The following LRRC49 variants were observed in gnomAD, a reference collection of about 807,000 sequenced individuals.
The protein encoded by LRRC49 is leucine rich repeat containing 49, also known as leucine-rich repeat-containing protein 49.
In LRRC49, 50 loss-of-function variants were observed where a neutral mutation model predicts 83.3. The observed-to-expected ratio is 0.60, with a 90% confidence interval of 0.48 to 0.76. The LOEUF (loss-of-function observed/expected upper bound fraction) is 0.76, where lower values mean the gene tolerates loss of function less well. Ranked by LOEUF, LRRC49 falls within the 30% of genes least tolerant of loss-of-function variation. LRRC49 has a pLI of 0.00. For missense variants in LRRC49, 704 were observed against 809.1 expected, an observed-to-expected ratio of 0.87 and a Z score of 1.58; for synonymous variants, 286 against 283.3, an observed-to-expected ratio of 1.01 and a Z score of -0.10.
At chr15:70,971,617 G>A (rs1023695320) in intron 9 of LRRC49, among the ~76,000 whole-genome samples, 1 of 152,100 alleles carries the variant, frequency 6.6e-6, no homozygotes, top group African/African-American at 2.4e-5. Context: ...CTCCTTGTGG[G>A]TCTCTAAGAA....
intron 1 of LRRC49, among the ~76,000 whole-genome samples, chr15:70,861,511 T>C (rs1479507252): frequency 6.6e-6 from 1 of 150,948 alleles, no homozygotes; most frequent in Non-Finnish European, 1.5e-5. Context: ...AAGAGTAGGG[T>C]TTTCTAAAAG....
intron 8 of LRRC49, among the ~76,000 whole-genome samples, chr15:70,960,414 T>C (rs1406714063): frequency 6.6e-6 from 1 of 152,232 alleles, no homozygotes; most frequent in Non-Finnish European, 1.5e-5. Context: ...TGAGGAGTGA[T>C]ATAACAATCT....
intron 6 of LRRC49, among the ~76,000 whole-genome samples, chr15:70,917,069 T>C (rs2141130112): frequency 6.6e-6 from 1 of 152,336 alleles, no homozygotes; most frequent in East Asian, 1.9e-4. Flanking sequence ...GTGCACATGC[T>C]TGGGGCAGTG....
chr15:70,880,725 A>G lies in LRRC49; in HGVS notation c.18+7502A>G, dbSNP rs572812254. Among the ~76,000 whole-genome samples, 9 of 149,292 alleles carry G rather than the reference A, an allele frequency of 6.0e-5. No individual in the cohort carries two copies. The South Asian group carries it at 1.9e-3, about 32-fold the overall frequency. The stretch of plus-strand genomic sequence containing the variant: ...GGAAGAAGAAAACTAAGTGAAGAGT[A>G]AAAAAAAAAGTGTTGACATGGCTGT... On this transcript the variant is annotated intron_variant, in intron 2 of 16. Coordinates refer to the LRRC49 transcript ENST00000544974.
chr15:70,921,423 A>G (rs1290669351), intron 7 of LRRC49, among the ~76,000 whole-genome samples: 2 of 152,180 alleles, frequency 1.3e-5, no homozygotes, highest in Admixed American at 6.5e-5. Context: ...TTCTTTAGCC[A>G]GATGCTCTGT....
At chr15:71,024,025 A>G (rs751399990) in intron 14 of LRRC49, among the ~76,000 whole-genome samples, 2 of 152,148 alleles carry the variant, frequency 1.3e-5, no homozygotes, top group Non-Finnish European at 2.9e-5. Flanking sequence ...CCATCACTGC[A>G]GTAACCCATC....
chr15:70,963,873 A>G lies in LRRC49; in HGVS notation c.862A>G (p.Lys288Glu), dbSNP rs1279128858. Residue 288 changes from lysine to glutamate, a missense_variant, in exon 9 of 16, where the codon AAA becomes GAA. Coordinates refer to ENST00000260382, the MANE Select transcript of LRRC49 (RefSeq NM_017691.5). ...TCCCATAGCTCAAGAGTCATGGTACAAACACACTGTCCTTCAGAATATGAT... is the reference window on the plus strand; with the variant it reads ...TCCCATAGCTCAAGAGTCATGGTACGAACACACTGTCCTTCAGAATATGAT... ...GNPIAQESWYKHTVLQNMMQL... is the reference protein window; with the variant it reads ...GNPIAQESWYEHTVLQNMMQL... 1.2e-6 allele frequency: 2 copies of G among 1,613,524 alleles called. No individual in the cohort carries two copies. The highest frequency in any genetic ancestry group is 1.7e-6 in the Non-Finnish European group (2 of 1,179,662).
At position 70,873,202 on chromosome 15, in the gene LRRC49, A is replaced by G. The variant is rs1318334994; in HGVS notation, c.-4A>G. ...GCCCAGCCAACTTGACATAACTTTT[A>G]AAGATGGATTGCCAAGCTGAGGTAA... On this transcript the variant is annotated 5_prime_UTR_variant, in exon 2 of 17. Coordinates refer to the LRRC49 transcript ENST00000544974. The G allele has an allele frequency of 2.6e-6, 4 of 1,535,896 alleles. No individual in the cohort carries two copies. The East Asian group carries it at 9.8e-5, about 38-fold the overall frequency.
chr15:71,037,261 C>T lies in LRRC49; in HGVS notation c.1786C>T (p.Leu596Phe). ...CGAAGAAAATAATGACAGCAAAAGA[C>T]TTGTAGGAGAAAACACAAATCGTGC... ...INEENNDSKR[L>F]VGENTNRATL... Residue 596 changes from leucine to phenylalanine, a missense_variant, in exon 15 of 16, where the codon CTT (leucine) becomes TTT (phenylalanine). This residue lies in a region of LRRC49 where 275 missense variants were observed against 338.0 expected (regional missense o/e 0.81). Transcript: ENST00000260382. The T allele has an allele frequency of 6.2e-7, 1 of 1,608,944 alleles. No individual in the cohort carries two copies. Among genetic ancestry groups the T allele is most frequent in the Non-Finnish European group, 8.5e-7 (1 of 1,176,178 alleles).
At chr15:70,977,509 G>T (rs1323931832) in intron 9 of LRRC49, among the ~76,000 whole-genome samples, 1 of 152,108 alleles carries the variant, frequency 6.6e-6, no homozygotes, top group African/African-American at 2.4e-5. Flanking sequence ...GCCTGGCATG[G>T]TGGCACATGC....
chr15:70,960,677 A>G (rs538046907), intron 8 of LRRC49, among the ~76,000 whole-genome samples: 3 of 152,322 alleles, frequency 2.0e-5, no homozygotes, highest in South Asian at 2.1e-4. Context: ...AAGCAATTCA[A>G]TAGAGAAAGG....
At chr15:70,939,265 T>G (rs1459673114) in intron 8 of LRRC49, among the ~76,000 whole-genome samples, 1 of 152,210 alleles carries the variant, frequency 6.6e-6, no homozygotes, top group Non-Finnish European at 1.5e-5. Flanking sequence ...TACAGCCTCT[T>G]CAGCATCTAG....
At chr15:70,938,081 G>A (rs1304943861) in intron 8 of LRRC49, among the ~76,000 whole-genome samples, 1 of 152,008 alleles carries the variant, frequency 6.6e-6, no homozygotes, top group Non-Finnish European at 1.5e-5. Flanking sequence ...AACCTGTGGT[G>A]GAACTCATTA....
chr15:71,014,071 C>G (rs2038746990), intron 14 of LRRC49, among the ~76,000 whole-genome samples: 1 of 152,092 alleles, frequency 6.6e-6, no homozygotes, highest in African/African-American at 2.4e-5. Context: ...GAATTCAAAT[C>G]TTACCCAAGT....
chr15:71,041,138 G>A (rs749749026), intron 15 of LRRC49, among the ~76,000 whole-genome samples: 15 of 152,262 alleles, frequency 9.9e-5, no homozygotes, highest in South Asian at 8.3e-4. Flanking sequence ...AGCCGTGCCT[G>A]GGTTCCTGAT....
chr15:70,886,097 A>G (rs1254361177), intron 2 of LRRC49, among the ~76,000 whole-genome samples: 1 of 152,172 alleles, frequency 6.6e-6, no homozygotes, highest in Non-Finnish European at 1.5e-5. Flanking sequence ...AAAAGATAAA[A>G]TCACAATGGA....
chr15:70,903,345 C>T (rs2034164994), intron 4 of LRRC49, among the ~76,000 whole-genome samples: 1 of 151,584 alleles, frequency 6.6e-6, no homozygotes, highest in Non-Finnish European at 1.5e-5. Flanking sequence ...TTTAAATATT[C>T]TGTGAAAAAA....
At chr15:70,910,886 A>G (rs1238458037) in intron 5 of LRRC49, among the ~76,000 whole-genome samples, 2 of 152,212 alleles carry the variant, frequency 1.3e-5, no homozygotes, top group East Asian at 3.8e-4. Context: ...TAAACACAAA[A>G]TAATACAATT....
chr15:70,921,070 G>A (rs2034988055), intron 7 of LRRC49, among the ~76,000 whole-genome samples: 1 of 151,920 alleles, frequency 6.6e-6, no homozygotes, highest in African/African-American at 2.4e-5. Context: ...GGAGTATCTG[G>A]GTATCCTGTG....
Sources: gnomAD v4.1 joint callset for allele counts (sites outside exome capture counted in the v4.1 genomes callset) on GRCh38, gnomAD v4.1.1 for gene constraint, gnomAD v4.1.1 regional missense constraint, MANE v1.5 for transcripts, NCBI Gene and HGNC (gene_info 2026-07-23, HGNC 2026-07-21) for gene names.